Variants in GPC5 observed in about 807,000 individuals in gnomAD.
GPC5 encodes the protein glypican-5.
In GPC5, 47 loss-of-function variants were observed where a neutral mutation model predicts 53.9. That is an observed-to-expected ratio of 0.87 (90% CI 0.69 to 1.11). GPC5 has a LOEUF of 1.11. Ranked by LOEUF, GPC5 falls within the 50% of genes most tolerant of loss-of-function variation. GPC5 has a pLI of 0.00. For synonymous variants in GPC5, 286 were observed against 263.3 expected, an observed-to-expected ratio of 1.09 and a Z score of -0.84; for missense variants, 748 against 713.1, an observed-to-expected ratio of 1.05 and a Z score of -0.56.
intron 6 of GPC5, among the ~76,000 whole-genome samples, chr13:91,920,703 A>G (rs1025968929): frequency 1.8e-4 from 28 of 152,272 alleles, no homozygotes; most frequent in Admixed American, 1.0e-3. Flanking sequence ...TGATTGCATA[A>G]AAAAACAGGC....
At chr13:91,433,414 T>G (rs1163032224) in intron 1 of GPC5, among the ~76,000 whole-genome samples, 1 of 144,242 alleles carries the variant, frequency 6.9e-6, no homozygotes, top group African/African-American at 2.5e-5. Flanking sequence ...TGTGTTCTCA[T>G]TGTTCAATTC....
chr13:92,029,632 G>A (rs905975663), intron 6 of GPC5, among the ~76,000 whole-genome samples: 1 of 152,160 alleles, frequency 6.6e-6, no homozygotes, highest in African/African-American at 2.4e-5. Context: ...CTAGGTTTGA[G>A]GAGAGTGTGA....
intron 7 of GPC5, among the ~76,000 whole-genome samples, chr13:92,410,304 C>A (rs1875988163): frequency 6.6e-6 from 1 of 152,154 alleles, no homozygotes; most frequent in Admixed American, 6.5e-5. Flanking sequence ...TTGATACTCT[C>A]TGATTCTATG....
intron 2 of GPC5, among the ~76,000 whole-genome samples, chr13:91,527,690 G>T (rs1050942482): frequency 6.6e-6 from 1 of 152,238 alleles, no homozygotes; most frequent in Non-Finnish European, 1.5e-5. Context: ...GATTCTTCAG[G>T]AGGGCTCTGC....
chr13:92,098,289 T>C (rs2041437423), intron 6 of GPC5, among the ~76,000 whole-genome samples: 1 of 152,186 alleles, frequency 6.6e-6, no homozygotes, highest in Non-Finnish European at 1.5e-5. Context: ...CGTTAGTTTG[T>C]TAAAGATAAT....
intron 7 of GPC5, among the ~76,000 whole-genome samples, chr13:92,298,221 G>A (rs991528826): frequency 2.1e-4 from 32 of 152,272 alleles, no homozygotes; most frequent in African/African-American, 7.2e-4. Flanking sequence ...GGGGAGCAGG[G>A]CTGAGAACTT....
At chr13:91,538,424 A>G (rs1291454230) in intron 2 of GPC5, among the ~76,000 whole-genome samples, 1 of 152,196 alleles carries the variant, frequency 6.6e-6, no homozygotes, top group East Asian at 1.9e-4. Flanking sequence ...ACATCAAAAT[A>G]TCGTAAAACT....
chr13:91,555,319 A>G (rs2030881887), intron 2 of GPC5, among the ~76,000 whole-genome samples: 1 of 152,078 alleles, frequency 6.6e-6, no homozygotes, highest in Non-Finnish European at 1.5e-5. Context: ...CAAAGTCAAG[A>G]ACCAATGCCT....
rs1219604659 is a variant in GPC5 at position 92,125,928 on chromosome 13, T to G, written c.1402-18902T>G. On this transcript the variant is annotated intron_variant, in intron 6 of 7. Transcript: ENST00000377067. ...AAAGGAAACATTTGTTTTTTGGTTT[T>G]TTTTTTTTTTTTTTTTTTTTTTTTT... is the stretch of plus-strand genomic sequence containing the variant. Among the ~76,000 whole-genome samples, 20 of 3,238 alleles carry G rather than the reference T, an allele frequency of 6.2e-3. 1 individual carries two copies. The East Asian group carries it at 0.23, about 38-fold the overall frequency. 2.1% of individuals were successfully genotyped at this position (3,238 alleles called of 152,430 possible). A position where few individuals can be genotyped will look rare whatever the true frequency, so the allele number is the denominator to read the frequency against.
chr13:92,511,755 C>T (rs1049835523), intron 7 of GPC5, among the ~76,000 whole-genome samples: 2 of 152,162 alleles, frequency 1.3e-5, no homozygotes, highest in Non-Finnish European at 2.9e-5. Flanking sequence ...ATACTTAGCT[C>T]TTTGACATTT....
intron 7 of GPC5, among the ~76,000 whole-genome samples, chr13:92,380,410 G>T (rs1393645625): frequency 1.3e-5 from 2 of 152,136 alleles, no homozygotes; most frequent in Non-Finnish European, 2.9e-5. Flanking sequence ...AGCAGGGCCA[G>T]CTCTGCCAAC....
chr13:91,663,331 C>T (rs1027896819), intron 2 of GPC5, among the ~76,000 whole-genome samples: 12 of 152,174 alleles, frequency 7.9e-5, no homozygotes, highest in East Asian at 1.9e-4. Flanking sequence ...TTCCTCACTC[C>T]GTGTACATAC....
At chr13:92,736,757 T>G (rs2139305279) in intron 7 of GPC5, among the ~76,000 whole-genome samples, 1 of 152,128 alleles carries the variant, frequency 6.6e-6, no homozygotes, top group African/African-American at 2.4e-5. Context: ...GAATTTCATT[T>G]AAATGAGAAC....
intron 7 of GPC5, among the ~76,000 whole-genome samples, chr13:92,593,332 G>T (rs1883773730): frequency 6.6e-6 from 1 of 151,172 alleles, no homozygotes. Flanking sequence ...TAAGGAGACT[G>T]CTGATGAGAT....
chr13:91,898,445 G>T (rs973757141), intron 5 of GPC5, among the ~76,000 whole-genome samples: 1 of 152,096 alleles, frequency 6.6e-6, no homozygotes, highest in African/African-American at 2.4e-5. Flanking sequence ...AGGTCTTCGC[G>T]TATAATTGTC....
intron 6 of GPC5, among the ~76,000 whole-genome samples, chr13:92,143,936 G>A (rs1268469684): frequency 3.3e-5 from 5 of 152,070 alleles, no homozygotes; most frequent in African/African-American, 9.7e-5. Flanking sequence ...GTCAGCAGTT[G>A]TACATTTTTT....
chr13:92,574,775 A>G (rs935188883), intron 7 of GPC5, among the ~76,000 whole-genome samples: 4 of 152,214 alleles, frequency 2.6e-5, no homozygotes, highest in Non-Finnish European at 5.9e-5. Context: ...AAAATGCCAG[A>G]GAATCATAAT....
In GPC5 at chr13:92,091,527, C is replaced by G. The variant is rs921026458; in HGVS notation, c.1402-53303C>G. On this transcript the variant is annotated intron_variant, in intron 6 of 7. Transcript: ENST00000377067. Reference sequence around the variant, plus strand: ...ATTTATTATACCATTTTAATTCCAACTACTAGCTACTATATGCTATAATAT... The same window carrying G: ...ATTTATTATACCATTTTAATTCCAAGTACTAGCTACTATATGCTATAATAT... Among the ~76,000 whole-genome samples the G allele has an allele frequency of 5.9e-5, 9 of 151,962 alleles. No homozygotes were observed. In the East Asian group the frequency reaches 1.7e-3, roughly 29 times the overall value.
chr13:91,900,466 G>A (rs532448467), intron 5 of GPC5, among the ~76,000 whole-genome samples: 2 of 152,076 alleles, frequency 1.3e-5, no homozygotes, highest in East Asian at 3.9e-4. Context: ...CCTGGAAAAG[G>A]CAAGTTAGTA....
Sources: allele counts gnomAD v4.1 joint callset (sites outside exome capture counted in the v4.1 genomes callset), GRCh38; gene constraint gnomAD v4.1.1; transcripts MANE v1.5; gene names NCBI Gene and HGNC (gene_info 2026-07-23, HGNC 2026-07-21).